The following PGAP2 variants were observed in gnomAD, a reference collection of about 807,000 sequenced individuals.
PGAP2 encodes post-GPI attachment to proteins 2, also known as acyltransferase PGAP2.
Under a neutral mutation model 33.2 loss-of-function variants are expected in PGAP2, and 21 were observed. The observed-to-expected ratio is 0.63, with a 90% CI of 0.45 to 0.91. The LOEUF is 0.91. PGAP2 is among the 40% of genes least tolerant of loss of function. PGAP2 has a pLI of 0.00. For missense variants in PGAP2, 345 were observed against 424.0 expected (o/e 0.81, Z 1.64); for synonymous variants, 161 against 172.9 (o/e 0.93, Z 0.54).
At position 3,825,550 on chromosome 11, in the gene PGAP2, T is replaced by C; in HGVS notation, c.*92T>C. ...GCCTTCCCCACCCCACATCCTCTCT[T>C]GGCCTTACTGAAGATGGGGGAAGGG... is the stretch of plus-strand genomic sequence containing the variant. On this transcript the variant is annotated 3_prime_UTR_variant, in exon 7 of 7. Coordinates refer to ENST00000278243, the MANE Select transcript of PGAP2 (RefSeq NM_014489.4). 1 of 1,339,214 alleles carries C rather than the reference T, an allele frequency of 7.5e-7. No homozygotes were observed. The highest frequency in any genetic ancestry group is 1.0e-6 in the Non-Finnish European group (1 of 972,004). The allele number at this position is 1,339,214 out of a possible 1,614,324, so 83.0% of individuals were successfully genotyped here.
In PGAP2 at chr11:3,814,911, T is replaced by G. The variant is rs141047851; in HGVS notation, c.166-2442T>G. Reference sequence around the variant, plus strand: ...TTCCCTTTCCCTTTCCCTTGCCCTTTCCCTTTCCCTTTCCCTTTCCTTTCC... The same window carrying G: ...TTCCCTTTCCCTTTCCCTTGCCCTTGCCCTTTCCCTTTCCCTTTCCTTTCC... On this transcript the variant is annotated intron_variant, in intron 2 of 6. Coordinates refer to ENST00000278243, the MANE Select transcript of PGAP2 (RefSeq NM_014489.4). Among the ~76,000 whole-genome samples, 310 of 149,860 alleles carry G rather than the reference T, an allele frequency of 2.1e-3. 1 individual carries two copies. The highest frequency in any genetic ancestry group is 7.3e-3 in the African/African-American group (295 of 40,480).
intron 1 of PGAP2, among the ~76,000 whole-genome samples, chr11:3,800,669 G>A (rs1035439584): frequency 3.3e-5 from 5 of 151,846 alleles, no homozygotes; most frequent in South Asian, 4.2e-4. Flanking sequence ...AAAATTAGCC[G>A]GGCGTGGTGG....
Position 3,824,121 on chromosome 11 carries a change from C to A in PGAP2, c.587C>A (p.Ser196Tyr). Reference protein sequence around the residue: ...LALLVLTYVSSSEDFTIHENA... With the variant: ...LALLVLTYVSYSEDFTIHENA... ...TTGCTAGTGCTCACTTATGTCTCCT[C>A]CTCCGAGGACTTCAGTGGGTGCCTG... Residue 196 changes from serine (S) to tyrosine (Y), a missense_variant, in exon 4 of 7, where the codon TCC becomes TAC. Physicochemically the swap from Ser to Tyr is moderately radical, Grantham distance 144. Around this residue, in one of 2 missense-constraint regions of PGAP2, gnomAD observed 311 missense variants for 353.6 expected, o/e 0.88. Coordinates refer to ENST00000278243, the MANE Select transcript of PGAP2 (RefSeq NM_014489.4). 1 of 1,614,090 alleles carries A rather than the reference C, an allele frequency of 6.2e-7. No homozygotes were observed. The highest frequency in any genetic ancestry group is 1.6e-4 in the Middle Eastern group (1 of 6,062).
At chr11:3,813,977 C>G (rs1019636468) in intron 2 of PGAP2, among the ~76,000 whole-genome samples, 5 of 152,170 alleles carry the variant, frequency 3.3e-5, no homozygotes, top group Non-Finnish European at 7.4e-5. Context: ...CCCTCTGGAG[C>G]AGTACTAGGT....
intron 1 of PGAP2, among the ~76,000 whole-genome samples, chr11:3,799,042 G>A (rs2083062442): frequency 6.6e-6 from 1 of 152,244 alleles, no homozygotes; most frequent in South Asian, 2.1e-4. Context: ...TAATGCTTGG[G>A]CAGGCCTCTG....
chr11:3,805,974 C>G (rs2084257016), upstream of PGAP2, among the ~76,000 whole-genome samples: 1 of 62 alleles, frequency 0.016, no homozygotes, highest in South Asian at 0.5. Flanking sequence ...TGTGAGCCAC[C>G]ACGCCCCCGC....
At chr11:3,808,547 C>T (rs1182530456), upstream of PGAP2, 5 of 1,393,694 alleles carry the variant, frequency 3.6e-6, no homozygotes, top group Non-Finnish European at 4.6e-6. Flanking sequence ...AGAGCGCCGG[C>T]CCCGCCCCCG....
At chr11:3,800,828 A>AAAG (rs2083335727) in intron 1 of PGAP2, among the ~76,000 whole-genome samples, 1 of 145,874 alleles carries the variant, frequency 6.9e-6, no homozygotes. Context: ...AAAAAAAAAA[A>AAAG]AAAGAAATTT....
Position 3,826,188 on chromosome 11 carries a change from T to C in PGAP2, c.*730T>C, listed in dbSNP as rs1485924705. The C allele has an allele frequency of 6.6e-6, 1 of 152,306 alleles. No individual in the cohort carries two copies. Among genetic ancestry groups the C allele is most frequent in the Non-Finnish European group, 1.5e-5 (1 of 68,130 alleles). 9.4% of individuals were successfully genotyped at this position (152,306 alleles called of 1,614,324 possible). A position where few individuals can be genotyped will look rare whatever the true frequency, so the allele number is the denominator to read the frequency against. On this transcript the variant is annotated 3_prime_UTR_variant, in exon 7 of 7. Coordinates refer to ENST00000278243, the MANE Select transcript of PGAP2 (RefSeq NM_014489.4). ...CTTCTCTTCTGAAAGTTCTGGCTTG[T>C]AGACCCCTCCCCTCCTTTGCAAAGG...
At chr11:3,820,100 C>T (rs1231457763) in intron 3 of PGAP2, among the ~76,000 whole-genome samples, 1 of 152,124 alleles carries the variant, frequency 6.6e-6, no homozygotes. Context: ...GTCCTGTTTT[C>T]CTTAAAGTAG....
intron 1 of PGAP2, among the ~76,000 whole-genome samples, chr11:3,798,720 T>C (rs1460797132): frequency 6.6e-6 from 1 of 151,078 alleles, no homozygotes; most frequent in Non-Finnish European, 1.5e-5. Context: ...CTCGGCTCAC[T>C]GCAATCTCCG....
intron 1 of PGAP2, among the ~76,000 whole-genome samples, chr11:3,809,142 G>A (rs2085043035): frequency 6.6e-6 from 1 of 152,168 alleles, no homozygotes; most frequent in Non-Finnish European, 1.5e-5. Flanking sequence ...CTAGTATTCC[G>A]TAGGCACTCA....
intron 5 of PGAP2, chr11:3,824,592 G>A: frequency 1.4e-6 from 1 of 730,624 alleles, no homozygotes; most frequent in Non-Finnish European, 2.2e-6. Context: ...TGGGAGACTG[G>A]AGAATAGAAG....
intron 4 of PGAP2, 23 bp from the exon 5 acceptor site, chr11:3,824,247 C>T (rs761549180): frequency 6.2e-7 from 1 of 1,613,850 alleles, no homozygotes; most frequent in Admixed American, 1.7e-5. Context: ...TGCAATGTGG[C>T]TCCCAATCCT....
chr11:3,803,935 C>T (rs61896930), upstream of PGAP2, among the ~76,000 whole-genome samples: 13,821 of 151,830 alleles, frequency 0.091, 848 homozygotes, highest in Middle Eastern at 0.16. Context: ...GGACTTCAGG[C>T]GCGTGCCACC....
intron 2 of PGAP2, among the ~76,000 whole-genome samples, chr11:3,814,980 C>G (rs888478305): frequency 2.0e-5 from 3 of 150,094 alleles, no homozygotes; most frequent in Non-Finnish European, 3.0e-5. Flanking sequence ...CTCTGTTGCC[C>G]AGGCTGGAGT....
At chr11:3,819,584 C>T (rs946518885) in intron 3 of PGAP2, among the ~76,000 whole-genome samples, 6 of 152,048 alleles carry the variant, frequency 3.9e-5, no homozygotes, top group African/African-American at 7.3e-5. Context: ...ATCTGAGGTG[C>T]CGTGCAAGGG....
Position 3,817,509 on chromosome 11 carries a change from G to A in PGAP2, c.322G>A (p.Glu108Lys). The A allele has an allele frequency of 1.2e-6, 2 of 1,614,146 alleles. No individual in the cohort carries two copies. The highest frequency in any genetic ancestry group is 1.7e-6 in the Non-Finnish European group (2 of 1,180,018). The change falls in exon 3 of 7, where the codon GAG becomes AAG. Residue 108 changes from glutamate to lysine, a missense_variant. Physicochemically the swap from Glu to Lys is moderately conservative, Grantham distance 56. Around this residue, in one of 2 missense-constraint regions of PGAP2, gnomAD observed 311 missense variants for 353.6 expected, o/e 0.88. Transcript: ENST00000278243. ...CATCTGGTCCCTGGTGTTCCACTTT[G>A]AGTACACGGTGGCCACTGACTGTGG... is the stretch of plus-strand genomic sequence containing the variant. ...CIIWSLVFHF[E>K]YTVATDCGVP...
chr11:3,823,413 C>T (rs141073840), intron 3 of PGAP2, among the ~76,000 whole-genome samples: 6 of 152,208 alleles, frequency 3.9e-5, no homozygotes, highest in East Asian at 1.9e-4. Flanking sequence ...GAGTGAGTGG[C>T]GCTGGGAGCA....
Sources: gnomAD v4.1 joint callset for allele counts (sites outside exome capture counted in the v4.1 genomes callset) on GRCh38, gnomAD v4.1.1 for gene constraint, gnomAD v4.1.1 regional missense constraint, MANE v1.5 for transcripts, NCBI Gene and HGNC (gene_info 2026-07-23, HGNC 2026-07-21) for gene names.